The following CSMD1 variants were observed in gnomAD, a reference collection of about 807,000 sequenced individuals.
The protein encoded by CSMD1 is CUB and Sushi multiple domains 1.
Under a neutral mutation model 417.5 loss-of-function variants are expected in CSMD1, and 213 were observed. The observed-to-expected ratio is 0.51, with a 90% CI of 0.46 to 0.57. The LOEUF (loss-of-function observed/expected upper bound fraction) is 0.57, where lower values mean the gene tolerates loss of function less well. CSMD1 is among the 20% of genes least tolerant of loss of function. The probability of loss-of-function intolerance (pLI) is 0.00; values close to 1 mark genes in which losing one functional copy is unlikely to be tolerated. For missense variants in CSMD1, 6,923 were observed against 4,529.7 expected (o/e 1.53, Z -15.17); for synonymous variants, 2,862 against 1,736.8 (o/e 1.65, Z -16.11).
intron 2 of CSMD1, among the ~76,000 whole-genome samples, chr8:4,452,261 T>A (rs1799190090): frequency 6.6e-6 from 1 of 152,184 alleles, no homozygotes; most frequent in Non-Finnish European, 1.5e-5. Flanking sequence ...CCTCAGCTCC[T>A]CCTTGTCAAA....
intron 5 of CSMD1, among the ~76,000 whole-genome samples, chr8:3,837,306 T>A (rs1260389306): frequency 6.6e-6 from 1 of 152,098 alleles, no homozygotes; most frequent in East Asian, 1.9e-4. Context: ...CAGAAGAAAA[T>A]TAGATTGCAA....
chr8:3,202,371 T>G (rs1249143012), intron 31 of CSMD1, among the ~76,000 whole-genome samples: 1 of 152,240 alleles, frequency 6.6e-6, no homozygotes, highest in Non-Finnish European at 1.5e-5. Context: ...CGTGATTCTC[T>G]GGCATATAAT....
intron 2 of CSMD1, among the ~76,000 whole-genome samples, chr8:4,475,130 T>C (rs1239292045): frequency 1.3e-5 from 2 of 152,228 alleles, no homozygotes; most frequent in Admixed American, 6.5e-5. Flanking sequence ...TGCTTTATTA[T>C]GTTTAGGCTA....
intron 3 of CSMD1, among the ~76,000 whole-genome samples, chr8:4,278,388 A>G (rs956222286): frequency 1.3e-5 from 2 of 152,226 alleles, no homozygotes; most frequent in African/African-American, 4.8e-5. Flanking sequence ...TATCAGCTAT[A>G]CAGAATATGA....
At chr8:4,717,577 T>C (rs1291552629) in intron 1 of CSMD1, among the ~76,000 whole-genome samples, 1 of 150,892 alleles carries the variant, frequency 6.6e-6, no homozygotes, top group Non-Finnish European at 1.5e-5. Flanking sequence ...CATCCATCCA[T>C]CCATCCATAC....
At chr8:4,222,658 G>C (rs148837965) in intron 3 of CSMD1, among the ~76,000 whole-genome samples, 3 of 152,320 alleles carry the variant, frequency 2.0e-5, no homozygotes, top group East Asian at 3.9e-4. Context: ...TGTGACGGCA[G>C]ATGCCAAATT....
intron 5 of CSMD1, among the ~76,000 whole-genome samples, chr8:3,876,282 G>C (rs2930347): frequency 3.4e-4 from 51 of 152,230 alleles, no homozygotes; most frequent in African/African-American, 1.2e-3. Flanking sequence ...ATTTACCTTA[G>C]AAGTTTTTAG....
chr8:4,584,872 C>T (rs1478101571), intron 2 of CSMD1, among the ~76,000 whole-genome samples: 1 of 152,020 alleles, frequency 6.6e-6, no homozygotes, highest in Admixed American at 6.6e-5. Flanking sequence ...TAGATTGGAT[C>T]AACTGTGGAT....
At chr8:4,295,626 T>G (rs534938943) in intron 3 of CSMD1, among the ~76,000 whole-genome samples, 4 of 145,432 alleles carry the variant, frequency 2.8e-5, no homozygotes, top group Non-Finnish European at 6.0e-5. Context: ...TATATATATA[T>G]AAACATATAT....
chr8:4,232,281 C>T (rs934456323), intron 3 of CSMD1, among the ~76,000 whole-genome samples: 3 of 152,180 alleles, frequency 2.0e-5, no homozygotes, highest in African/African-American at 7.2e-5. Flanking sequence ...TCACTGCAAC[C>T]TCCGCCTCCC....
At chr8:3,176,539 A>G (rs1820947503) in intron 37 of CSMD1, among the ~76,000 whole-genome samples, 1 of 152,156 alleles carries the variant, frequency 6.6e-6, no homozygotes, top group Non-Finnish European at 1.5e-5. Context: ...CTCTAGAGTA[A>G]TTTTAAAACC....
At chr8:3,370,208 G>A (rs890337928) in intron 18 of CSMD1, among the ~76,000 whole-genome samples, 14 of 152,112 alleles carry the variant, frequency 9.2e-5, no homozygotes, top group Non-Finnish European at 1.9e-4. Flanking sequence ...ATATTGACAC[G>A]TTCCCGCCAA....
chr8:4,107,834 A>T (rs1054786061), intron 3 of CSMD1, among the ~76,000 whole-genome samples: 2 of 152,204 alleles, frequency 1.3e-5, no homozygotes, highest in Non-Finnish European at 2.9e-5. Context: ...GAACGAAGAG[A>T]CAGGCTGCAC....
intron 1 of CSMD1, among the ~76,000 whole-genome samples, chr8:4,706,230 G>A (rs183797367): frequency 1.3e-5 from 2 of 151,244 alleles, no homozygotes; most frequent in African/African-American, 4.9e-5. Flanking sequence ...ATTGCTAATT[G>A]TTTGAAAGTC....
intron 3 of CSMD1, among the ~76,000 whole-genome samples, chr8:4,064,684 C>G (rs552829577): frequency 1.3e-5 from 2 of 152,340 alleles, no homozygotes; most frequent in Admixed American, 6.5e-5. Context: ...TCCAACACTG[C>G]TGCTGCCCTG....
intron 3 of CSMD1, among the ~76,000 whole-genome samples, chr8:4,094,921 A>G (rs1800921371): frequency 6.6e-6 from 1 of 152,200 alleles, no homozygotes; most frequent in South Asian, 2.1e-4. Flanking sequence ...GACATGGGGA[A>G]GTCATTGAAG....
chr8:4,702,650 G>A (rs759385432), intron 1 of CSMD1, among the ~76,000 whole-genome samples: 5 of 151,976 alleles, frequency 3.3e-5, no homozygotes, highest in Non-Finnish European at 7.4e-5. Context: ...ACAAATAAAC[G>A]TTTCCAAGAA....
chr8:3,624,868 C>A (rs1563209579), intron 7 of CSMD1, among the ~76,000 whole-genome samples: 1 of 152,156 alleles, frequency 6.6e-6, no homozygotes, highest in Non-Finnish European at 1.5e-5. Flanking sequence ...TAATAAATTT[C>A]TCCTCTTTGA....
chr8:3,437,554 G>A (rs866709673), intron 12 of CSMD1, among the ~76,000 whole-genome samples: 1 of 152,110 alleles, frequency 6.6e-6, no homozygotes, highest in Non-Finnish European at 1.5e-5. Context: ...CGTATCCAGG[G>A]AAAAACTGGA....
Sources: gnomAD v4.1 joint callset for allele counts (sites outside exome capture counted in the v4.1 genomes callset) on GRCh38, gnomAD v4.1.1 for gene constraint, MANE v1.5 for transcripts, NCBI Gene and HGNC (gene_info 2026-07-23, HGNC 2026-07-21) for gene names.